PLXNA1: variants seen among roughly 807,000 people sequenced by gnomAD.
PLXNA1 encodes plexin-A1.
Under a neutral mutation model 191.7 loss-of-function variants are expected in PLXNA1, and 77 were observed. The observed-to-expected ratio is 0.40, with a 90% CI of 0.33 to 0.49. PLXNA1 has a LOEUF of 0.49. Among genes scored for constraint, PLXNA1 ranks in the 20% least tolerant of loss-of-function variants. The pLI, the probability that PLXNA1 is intolerant of heterozygous loss-of-function variation, is 0.63. For missense variants in PLXNA1, 2,110 were observed against 2,660.2 expected, an observed-to-expected ratio of 0.79 and a Z score of 4.55; for synonymous variants, 1,137 against 1,156.4, an observed-to-expected ratio of 0.98 and a Z score of 0.34.
intron 22 of PLXNA1, 66 bp from the exon 23 acceptor site, chr3:127,022,686 G>T: frequency 6.9e-7 from 1 of 1,452,106 alleles, no homozygotes; most frequent in Non-Finnish European, 9.7e-7. Context: ...AGTGAGGCCT[G>T]CAGGGGCCCT....
In PLXNA1 at chr3:127,015,095, G is replaced by C. The variant is rs1327183116; in HGVS notation, c.2878-89G>C. On this transcript the variant is annotated intron_variant, in intron 14 of 31. Transcript: ENST00000393409. The stretch of plus-strand genomic sequence containing the variant: ...GGGCTCCTAGTCTGGGGAACTGTCT[G>C]TGGGGGTAAGCAGGCCAAGTGGGGC... The C allele has an allele frequency of 1.6e-5, 24 of 1,524,594 alleles. No individual in the cohort carries two copies. The East Asian group carries it at 5.4e-4, about 35-fold the overall frequency. The allele number at this position is 1,524,594 out of a possible 1,614,324, so 94.4% of individuals were successfully genotyped here.
intron 9 of PLXNA1, among the ~76,000 whole-genome samples, chr3:127,011,401 T>G (rs2079094966): frequency 1.3e-5 from 2 of 152,194 alleles, no homozygotes; most frequent in Admixed American, 1.3e-4. Context: ...CCTGCCTGCC[T>G]TGGGGGCTGT....
At chr3:127,012,233 C>A in intron 10 of PLXNA1, 75 bp downstream of exon 10, 2 of 1,470,992 alleles carry the variant, frequency 1.4e-6, no homozygotes, top group Non-Finnish European at 1.9e-6. Context: ...TGGGTCCTGG[C>A]GTGTGCTTGT....
chr3:127,014,780 G>T lies in PLXNA1; in HGVS notation c.2826G>T (p.Arg942=). ...ACGCCCTGGTGGAGGTGTGTGTGCG[G>T]GACTGCTCACCACACTACCGCGCCC... is the stretch of plus-strand genomic sequence containing the variant. ...AHDALVEVCV[R]DCSPHYRALS... Residue 942 remains arginine, a synonymous_variant, in exon 14 of 32, where the codon CGG becomes CGT. Transcript: ENST00000393409. 1.2e-6 allele frequency: 2 copies of T among 1,612,734 alleles called. No homozygotes were observed. Among genetic ancestry groups the T allele is most frequent in the Non-Finnish European group, 8.5e-7 (1 of 1,179,922 alleles).
Position 127,016,583 on chromosome 3 carries a change from C to T in PLXNA1, c.3081C>T (p.Ile1027=), listed in dbSNP as rs763939127. The T allele has an allele frequency of 1.2e-6, 2 of 1,614,012 alleles. No individual in the cohort carries two copies. Among genetic ancestry groups the T allele is most frequent in the Middle Eastern group, 1.7e-4 (1 of 6,060 alleles). Residue 1027 remains isoleucine (I), a synonymous_variant, in exon 16 of 32, where the codon ATC becomes ATT. Coordinates refer to ENST00000393409, the MANE Select transcript of PLXNA1 (RefSeq NM_032242.4). ...PGQSPGSAPI[I]ININRAQLTN... ...AGAGCCCTGGCAGCGCTCCCATCAT[C>T]ATCAACATCAACCGCGCCCAGCTCA...
At chr3:127,010,482 G>A (rs1447877446) in intron 9 of PLXNA1, among the ~76,000 whole-genome samples, 1 of 152,182 alleles carries the variant, frequency 6.6e-6, no homozygotes, top group African/African-American at 2.4e-5. Flanking sequence ...GATGGGGTGG[G>A]GGTATGGGGA....
In PLXNA1 at chr3:127,016,989, C is replaced by T. The variant is rs779263955; in HGVS notation, c.3228C>T (p.Val1076=). ...LTVTGTNLAT[V]REPRIRAKYG... ...TCACAGGCACCAACCTGGCCACTGT[C>T]CGTGAACCCCGAATCCGGGCCAAGT... Residue 1076 remains valine, a synonymous_variant, in exon 17 of 32, where the codon GTC becomes GTT. Transcript: ENST00000393409. 6 of 1,613,520 alleles carry T rather than the reference C, an allele frequency of 3.7e-6. No homozygotes were observed. The highest frequency in any genetic ancestry group is 5.1e-6 in the Non-Finnish European group (6 of 1,179,958).
At chr3:127,027,308 T>C in intron 23 of PLXNA1, 1 of 268,802 alleles carries the variant, frequency 3.7e-6, no homozygotes, top group Non-Finnish European at 7.2e-6. Flanking sequence ...CCCGGGGCTG[T>C]GCTGCTGGCC....
chr3:127,014,858 C>G, intron 14 of PLXNA1, 27 bp downstream of exon 14: 5 of 1,605,132 alleles, frequency 3.1e-6, no homozygotes, highest in Non-Finnish European at 4.3e-6. Flanking sequence ...CCCTCTCTCC[C>G]TATTCTCTGC....
At chr3:127,012,237 TGC>T in intron 10 of PLXNA1, 79 bp downstream of exon 10, 2 of 1,449,444 alleles carry the variant, frequency 1.4e-6, no homozygotes, top group Non-Finnish European at 1.9e-6. Flanking sequence ...TCCTGGCGTG[TGC>T]TTGTTCATAA....
intron 10 of PLXNA1, 38 bp downstream of exon 10, chr3:127,012,196 G>A (rs1390682315): frequency 9.4e-6 from 15 of 1,589,268 alleles, no homozygotes; most frequent in African/African-American, 5.4e-5. Flanking sequence ...GCCGTGAGCC[G>A]GAATGGGCCG....
intron 23 of PLXNA1, among the ~76,000 whole-genome samples, chr3:127,025,643 C>G (rs757238059): frequency 1.3e-5 from 2 of 152,234 alleles, no homozygotes; most frequent in Admixed American, 6.5e-5. Flanking sequence ...ATTCTACTCT[C>G]TGTCTCTGTG....
chr3:127,029,677 T>C, intron 27 of PLXNA1, 141 bp downstream of exon 27: 1 of 1,092,268 alleles, frequency 9.2e-7, no homozygotes, highest in Non-Finnish European at 1.4e-6. Context: ...CTCTTGGCCT[T>C]ACCCTCCAGC....
chr3:127,029,892 C>T lies in PLXNA1; in HGVS notation c.4889C>T (p.Ala1630Val). The T allele has an allele frequency of 6.2e-7, 1 of 1,610,328 alleles. No homozygotes were observed. The highest frequency in any genetic ancestry group is 1.7e-4 in the Middle Eastern group (1 of 6,026). Residue 1630 changes from alanine to valine, a missense_variant, in exon 28 of 32, where the codon GCC becomes GTC. By Grantham distance (64) the Ala-to-Val change is moderately conservative. Around this residue, in one of 4 missense-constraint regions of PLXNA1, gnomAD observed 559 missense variants for 911.5 expected, o/e 0.61. Transcript: ENST00000393409. Reference sequence around the variant, plus strand: ...GCTGCAGAGAGCATGCTGCGCACGGCCAGCAGCCCCGACAGCCTGCGCTCG... The same window carrying T: ...GCTGCAGAGAGCATGCTGCGCACGGTCAGCAGCCCCGACAGCCTGCGCTCG... ...LSRYESMLRT[A>V]SSPDSLRSRT... is the part of the protein sequence containing the mutation.
intron 3 of PLXNA1, among the ~76,000 whole-genome samples, chr3:127,000,999 G>A (rs1353357234): frequency 6.6e-6 from 1 of 152,146 alleles, no homozygotes; most frequent in African/African-American, 2.4e-5. Context: ...TGGACAGATG[G>A]GTACATGGCG....
intron 21 of PLXNA1, 55 bp from the exon 22 acceptor site, chr3:127,022,030 T>C (rs924021625): frequency 1.2e-5 from 19 of 1,578,288 alleles, no homozygotes; most frequent in East Asian, 4.5e-5. Flanking sequence ...ACTGGTCAGC[T>C]TGGGGGCTGG....
intron 10 of PLXNA1, 87 bp from the exon 11 acceptor site, chr3:127,013,933 T>G: frequency 1.7e-6 from 2 of 1,202,994 alleles, no homozygotes; most frequent in Admixed American, 3.4e-5. Context: ...CCCCCTAAGC[T>G]GGCGCCCTGG....
rs183124985 is a variant in PLXNA1 at position 127,001,217 on chromosome 3, C to A, written c.1378-2113C>A. Reference sequence around the variant, plus strand: ...AGCTGGTGTGCCCCCTGGACCTGCCCTTCTGTGACCCGTTTCTTCACCCCT... The same window carrying A: ...AGCTGGTGTGCCCCCTGGACCTGCCATTCTGTGACCCGTTTCTTCACCCCT... On this transcript the variant is annotated intron_variant, in intron 3 of 31. Transcript: ENST00000393409. Among the ~76,000 whole-genome samples, 6 of 152,286 alleles carry A rather than the reference C, an allele frequency of 3.9e-5. No individual in the cohort carries two copies. The East Asian group carries it at 1.2e-3, about 29-fold the overall frequency.
At chr3:126,984,608 G>T (rs1158148986) in intron 1 of PLXNA1, among the ~76,000 whole-genome samples, 2 of 152,254 alleles carry the variant, frequency 1.3e-5, no homozygotes, top group Non-Finnish European at 2.9e-5. Context: ...TGCAGGGCCA[G>T]GCTTCCATTC....
Sources: gnomAD v4.1 joint callset for allele counts (sites outside exome capture counted in the v4.1 genomes callset) on GRCh38, gnomAD v4.1.1 for gene constraint, gnomAD v4.1.1 regional missense constraint, MANE v1.5 for transcripts, NCBI Gene and HGNC (gene_info 2026-07-23, HGNC 2026-07-21) for gene names.